Variants in STK10 observed in about 807,000 individuals in gnomAD.
STK10 encodes the protein serine/threonine-protein kinase 10.
STK10 carries 78 observed loss-of-function variants against 113.8 expected under a neutral mutation model. The ratio of observed to expected loss-of-function variants is 0.69; its 90% CI spans 0.57 to 0.83. STK10 has a LOEUF of 0.83. STK10 is among the 40% of genes least tolerant of loss of function. STK10 has a pLI of 0.00. For missense variants in STK10, 1,109 were observed against 1,280.1 expected (o/e 0.87, Z 2.04); for synonymous variants, 465 against 494.7 (o/e 0.94, Z 0.80).
chr5:172,105,502 C>A, intron 7 of STK10, 154 bp downstream of exon 7: 1 of 745,506 alleles, frequency 1.3e-6, no homozygotes, highest in Non-Finnish European at 2.2e-6. Flanking sequence ...ACAGAGCTGG[C>A]ATTCAGGAGG....
intron 7 of STK10, among the ~76,000 whole-genome samples, chr5:172,099,641 G>T (rs968938961): frequency 7.9e-6 from 1 of 126,336 alleles, no homozygotes; most frequent in Admixed American, 7.1e-5. Flanking sequence ...CCAAAGGTGA[G>T]AACCAAGATC....
chr5:172,127,313 G>C, intron 3 of STK10, 60 bp downstream of exon 3: 1 of 1,595,712 alleles, frequency 6.3e-7, no homozygotes, highest in Non-Finnish European at 8.6e-7. Flanking sequence ...CAGCAGTCAG[G>C]CTTAGGACTC....
In STK10 at chr5:172,057,423, G is replaced by T; in HGVS notation, c.2263C>A (p.His755Asn). Residue 755 changes from histidine to asparagine, a missense_variant, in exon 15 of 19, where the codon CAC becomes AAC. Around this residue, in one of 5 missense-constraint regions of STK10, gnomAD observed 885 missense variants for 991.1 expected, o/e 0.89. Transcript: ENST00000176763. ...EMEEHQLQER[H>N]QLVKQQLKDQ... ...TTGAGCTGCTGCTTCACCAGCTGGT[G>T]CCTCTCCTGCAGCTGGTGCTCTTCC... is the stretch of plus-strand genomic sequence containing the variant. 1 of 1,551,806 alleles carries T rather than the reference G, an allele frequency of 6.4e-7. No homozygotes were observed. The highest frequency in any genetic ancestry group is 8.7e-7 in the Non-Finnish European group (1 of 1,147,896).
intron 1 of STK10, among the ~76,000 whole-genome samples, chr5:172,179,417 G>C (rs1156868035): frequency 5.3e-5 from 8 of 152,216 alleles, no homozygotes; most frequent in African/African-American, 1.9e-4. Flanking sequence ...GGGGGCTATG[G>C]GGTGACAACC....
intron 1 of STK10, among the ~76,000 whole-genome samples, chr5:172,163,401 T>C (rs138766857): frequency 6.6e-6 from 1 of 152,194 alleles, no homozygotes; most frequent in African/African-American, 2.4e-5. Context: ...CTCCCTGTTC[T>C]ATCTCCCTTT....
intron 14 of STK10, 79 bp downstream of exon 14, chr5:172,061,060 T>C (rs892027072): frequency 1.1e-5 from 16 of 1,495,404 alleles, no homozygotes; most frequent in Admixed American, 2.4e-5. Flanking sequence ...GAGGTTCTTG[T>C]TGCCCACCCC....
intron 7 of STK10, among the ~76,000 whole-genome samples, chr5:172,098,198 G>A (rs1768900816): frequency 1.3e-5 from 2 of 152,216 alleles, no homozygotes; most frequent in Admixed American, 6.5e-5. Flanking sequence ...GAACGTATAT[G>A]TTCATCACAA....
intron 2 of STK10, among the ~76,000 whole-genome samples, chr5:172,134,329 A>G (rs1042485007): frequency 2.0e-5 from 3 of 152,194 alleles, no homozygotes; most frequent in Non-Finnish European, 2.9e-5. Context: ...CTTTACCAAG[A>G]GATGGTTTGA....
intron 3 of STK10, among the ~76,000 whole-genome samples, chr5:172,124,173 C>T (rs1769573124): frequency 1.3e-5 from 2 of 152,188 alleles, no homozygotes; most frequent in Admixed American, 1.3e-4. Context: ...AAGTGATCCA[C>T]CTGCCTCGGC....
At chr5:172,162,869 T>C (rs911030736) in intron 1 of STK10, among the ~76,000 whole-genome samples, 2 of 152,016 alleles carry the variant, frequency 1.3e-5, no homozygotes, top group Non-Finnish European at 2.9e-5. Context: ...TTTCCAGGAG[T>C]GCACAAACCT....
chr5:172,151,482 GA>G (rs1373464392), intron 2 of STK10, among the ~76,000 whole-genome samples: 1 of 152,060 alleles, frequency 6.6e-6, no homozygotes, highest in African/African-American at 2.4e-5. Context: ...GAGTAGCTGG[GA>G]TTACAGGCAC....
At chr5:172,114,837 A>C (rs1769340016) in intron 4 of STK10, 1 of 151,652 alleles carries the variant, frequency 6.6e-6, no homozygotes. Context: ...TGCCCATTTG[A>C]TAAGGGCTTC....
intron 12 of STK10, among the ~76,000 whole-genome samples, chr5:172,079,750 T>G (rs914183477): frequency 1.3e-5 from 2 of 152,026 alleles, no homozygotes; most frequent in Non-Finnish European, 2.9e-5. Context: ...TTAGCAGAGA[T>G]GGGGTTTCAC....
chr5:172,144,809 G>A lies in STK10; in HGVS notation c.321+11815C>T, dbSNP rs572439234. On this transcript the variant is annotated intron_variant, in intron 2 of 18. Transcript: ENST00000176763. ...GGGGCCGGGTGGAGGGAGTCCTGCC[G>A]AGGCAAAGGGGAGGGAACATCTAAG... is the stretch of plus-strand genomic sequence containing the variant. Among the ~76,000 whole-genome samples, 5 of 152,232 alleles carry A rather than the reference G, an allele frequency of 3.3e-5. No individual in the cohort carries two copies. The South Asian group carries it at 6.2e-4, about 19-fold the overall frequency.
intron 4 of STK10, chr5:172,108,122 A>G (rs1364290604): frequency 6.1e-6 from 2 of 330,342 alleles, no homozygotes; most frequent in Non-Finnish European, 1.1e-5. Context: ...AAATACCCAT[A>G]CCATTTTAAT....
intron 8 of STK10, among the ~76,000 whole-genome samples, chr5:172,094,782 T>C (rs994276450): frequency 5.3e-5 from 8 of 152,202 alleles, no homozygotes; most frequent in African/African-American, 1.9e-4. Flanking sequence ...TAAAAAATCA[T>C]ATAAAGGCCA....
intron 1 of STK10, among the ~76,000 whole-genome samples, chr5:172,171,181 G>A (rs72845113): frequency 0.32 from 48,510 of 151,948 alleles, 8,525 homozygotes; most frequent in African/African-American, 0.47. Context: ...AATGGTACAA[G>A]GAAGAAAATC....
At chr5:172,068,783 C>G (rs1768122708) in intron 12 of STK10, among the ~76,000 whole-genome samples, 1 of 151,476 alleles carries the variant, frequency 6.6e-6, no homozygotes, top group South Asian at 2.1e-4. Context: ...GAAACCCTGT[C>G]TCTAGGCATG....
chr5:172,103,796 C>T (rs527681817), intron 7 of STK10, among the ~76,000 whole-genome samples: 56 of 152,172 alleles, frequency 3.7e-4, no homozygotes, highest in Non-Finnish European at 4.7e-4. Flanking sequence ...TCAAGCATTC[C>T]TGGAGCACTG....
Sources: allele counts gnomAD v4.1 joint callset (sites outside exome capture counted in the v4.1 genomes callset), GRCh38; gene constraint gnomAD v4.1.1; regional missense constraint gnomAD v4.1.1; transcripts MANE v1.5; gene names NCBI Gene and HGNC (gene_info 2026-07-23, HGNC 2026-07-21).